STK3: variants seen among roughly 807,000 people sequenced by gnomAD.
STK3 encodes serine/threonine-protein kinase 3.
Under a neutral mutation model 58.0 loss-of-function variants are expected in STK3, and 41 were observed. The ratio of observed to expected loss-of-function variants is 0.71; its 90% CI spans 0.55 to 0.92. STK3 has a LOEUF of 0.92. Among genes scored for constraint, STK3 ranks in the 40% least tolerant of loss-of-function variants. STK3 has a pLI of 0.00. For missense variants in STK3, 479 were observed against 602.7 expected (o/e 0.79, Z 2.15); for synonymous variants, 170 against 191.0 (o/e 0.89, Z 0.91).
chr8:98,838,988 TTGTGTGTGTG>T (rs35564732), intron 3 of STK3, among the ~76,000 whole-genome samples: 6 of 144,980 alleles, frequency 4.1e-5, no homozygotes, highest in Non-Finnish European at 7.6e-5. Context: ...TTTGTTTGTT[TTGTGTGTGTG>T]TGTGTGTGTG....
intron 3 of STK3, among the ~76,000 whole-genome samples, chr8:98,853,877 G>A (rs1298590491): frequency 2.6e-5 from 4 of 152,106 alleles, no homozygotes; most frequent in Non-Finnish European, 5.9e-5. Flanking sequence ...AAAGACCCAG[G>A]CCCACATGTT....
intron 10 of STK3, among the ~76,000 whole-genome samples, chr8:98,506,681 C>T (rs923149121): frequency 6.6e-6 from 1 of 151,826 alleles, no homozygotes; most frequent in South Asian, 2.1e-4. Context: ...ACACTGCACT[C>T]CAGCCTAGGC....
chr8:98,587,494 T>G (rs1242724649), intron 7 of STK3, among the ~76,000 whole-genome samples: 1 of 152,280 alleles, frequency 6.6e-6, no homozygotes, highest in Admixed American at 6.5e-5. Flanking sequence ...CTTTTACATT[T>G]GCTGAGGAGA....
At chr8:98,505,015 T>C (rs1036600960) in intron 10 of STK3, among the ~76,000 whole-genome samples, 6 of 152,214 alleles carry the variant, frequency 3.9e-5, no homozygotes, top group Non-Finnish European at 5.9e-5. Flanking sequence ...TCCCCATCAC[T>C]TTCAGGCACA....
chr8:98,614,273 T>A (rs1817461633), intron 6 of STK3, among the ~76,000 whole-genome samples: 1 of 152,110 alleles, frequency 6.6e-6, no homozygotes, highest in African/African-American at 2.4e-5. Context: ...GAACATATAC[T>A]GAGGCATAAA....
chr8:98,611,215 A>G (rs1817166527), intron 6 of STK3, among the ~76,000 whole-genome samples: 1 of 152,232 alleles, frequency 6.6e-6, no homozygotes, highest in Non-Finnish European at 1.5e-5. Context: ...AATGCCCAGT[A>G]CAAATCAATT....
chr8:98,612,170 C>G (rs1417808469), intron 6 of STK3, among the ~76,000 whole-genome samples: 7 of 150,376 alleles, frequency 4.7e-5, no homozygotes, highest in Non-Finnish European at 8.9e-5. Context: ...CTATGTGTAA[C>G]TTCTGCTTCT....
rs538456915 is a variant in STK3 at position 98,479,924 on chromosome 8, T to G, written c.1318-23924A>C. ...AACAACAACAAAAACAAATAGGAGC[T>G]TTAAAACTTGAAAAATTCAATATCT... On this transcript the variant is annotated intron_variant, in intron 10 of 10. Coordinates refer to ENST00000419617, the MANE Select transcript of STK3 (RefSeq NM_006281.4). Among the ~76,000 whole-genome samples, 4 of 152,200 alleles carry G rather than the reference T, an allele frequency of 2.6e-5. No homozygotes were observed. In the East Asian group the frequency reaches 7.7e-4, roughly 29 times the overall value.
At chr8:98,646,540 T>C (rs1820409468) in intron 6 of STK3, among the ~76,000 whole-genome samples, 1 of 152,126 alleles carries the variant, frequency 6.6e-6, no homozygotes, top group South Asian at 2.1e-4. Context: ...ATCCCAACCC[T>C]AATATATACA....
intron 1 of STK3, among the ~76,000 whole-genome samples, chr8:98,797,625 C>T (rs963558059): frequency 4.2e-4 from 64 of 152,282 alleles, no homozygotes; most frequent in African/African-American, 1.4e-3. Context: ...CAGGATTATA[C>T]ACACTTTGTC....
chr8:98,636,074 T>C (rs1200285489), intron 6 of STK3, among the ~76,000 whole-genome samples: 1 of 151,932 alleles, frequency 6.6e-6, no homozygotes, highest in African/African-American at 2.4e-5. Context: ...TCTAAAATAG[T>C]AAAAAACAGA....
intron 6 of STK3, among the ~76,000 whole-genome samples, chr8:98,675,266 T>A (rs1414801515): frequency 6.6e-6 from 1 of 152,198 alleles, no homozygotes; most frequent in Non-Finnish European, 1.5e-5. Flanking sequence ...CTACAAGAAT[T>A]GTTATATTAA....
chr8:98,751,770 A>C (rs1176922632), intron 3 of STK3, among the ~76,000 whole-genome samples: 1 of 152,058 alleles, frequency 6.6e-6, no homozygotes, highest in African/African-American at 2.4e-5. Context: ...TGAAACCCCC[A>C]TCTCTACTAC....
chr8:98,570,063 AAAT>A (rs1812838604), intron 8 of STK3, among the ~76,000 whole-genome samples: 1 of 147,962 alleles, frequency 6.8e-6, no homozygotes. Context: ...AAGAATATAA[AAAT>A]ATATATTGTA....
intron 3 of STK3, among the ~76,000 whole-genome samples, chr8:98,408,364 A>T (rs528464769): frequency 2.7e-4 from 41 of 152,362 alleles, no homozygotes; most frequent in African/African-American, 8.9e-4. Flanking sequence ...ATTCTGGCAT[A>T]AAAATGCAAT....
intron 1 of STK3, among the ~76,000 whole-genome samples, chr8:98,781,674 T>C (rs1832097474): frequency 6.6e-6 from 1 of 151,932 alleles, no homozygotes; most frequent in South Asian, 2.1e-4. Context: ...AAAACTAACC[T>C]CAAAAGCATC....
chr8:98,416,349 C>A (rs1586553394), intron 3 of STK3, among the ~76,000 whole-genome samples: 2 of 128,064 alleles, frequency 1.6e-5, no homozygotes, highest in East Asian at 2.3e-4. Flanking sequence ...CAAAAATAAT[C>A]TTGTGTTTGA....
intron 10 of STK3, among the ~76,000 whole-genome samples, chr8:98,502,737 C>A (rs138145696): frequency 0.011 from 1,660 of 152,252 alleles, 25 homozygotes; most frequent in African/African-American, 0.037. Context: ...ACCAGCCTTG[C>A]ATCCCAGGGA....
At chr8:98,832,491 G>A (rs1355896710) in intron 3 of STK3, among the ~76,000 whole-genome samples, 1 of 152,060 alleles carries the variant, frequency 6.6e-6, no homozygotes, top group Non-Finnish European at 1.5e-5. Context: ...TCACTTACCA[G>A]AAAGGAATGC....
Sources: gnomAD v4.1 joint callset for allele counts (sites outside exome capture counted in the v4.1 genomes callset) on GRCh38, gnomAD v4.1.1 for gene constraint, MANE v1.5 for transcripts, NCBI Gene and HGNC (gene_info 2026-07-23, HGNC 2026-07-21) for gene names.